The following LRRIQ1 variants were observed in gnomAD, a reference collection of about 807,000 sequenced individuals.
LRRIQ1 encodes the protein leucine rich repeats and IQ motif containing 1.
A neutral mutation model predicts 211.9 loss-of-function variants in LRRIQ1; 210 were observed. The observed-to-expected ratio is 0.99, with a 90% CI of 0.89 to 1.11. LRRIQ1 has a LOEUF of 1.11. LRRIQ1 is among the 50% of genes most tolerant of loss of function. LRRIQ1 has a pLI of 0.00. For missense variants in LRRIQ1, 2,136 were observed against 1,939.5 expected (o/e 1.10, Z -1.90); for synonymous variants, 699 against 650.1 (o/e 1.08, Z -1.14).
In LRRIQ1 at chr12:85,170,264, G is replaced by GTATATA. The variant is rs35828890; in HGVS notation, c.4822+9564_4822+9569dup. ...AAGTATGTATTTGTATGTGCATATT[G>GTATATA]TATATATATATATATATATGTACTT... is the stretch of plus-strand genomic sequence containing the variant. On this transcript the variant is annotated intron_variant, in intron 24 of 26. Transcript: ENST00000393217. Among the ~76,000 whole-genome samples, 964 of 147,850 alleles carry GTATATA rather than the reference G, an allele frequency of 6.5e-3. 6 individuals are homozygous for GTATATA. The highest frequency in any genetic ancestry group is 0.023 in the African/African-American group (936 of 40,786).
At chr12:85,208,865 A>G (rs2137056800) in intron 24 of LRRIQ1, among the ~76,000 whole-genome samples, 1 of 152,258 alleles carries the variant, frequency 6.6e-6, no homozygotes, top group Middle Eastern at 3.4e-3. Context: ...GACTCACATG[A>G]CCTAAAATAC....
intron 26 of LRRIQ1, 153 bp downstream of exon 26, chr12:85,232,909 A>G (rs1895013762): frequency 1.8e-6 from 1 of 563,368 alleles, no homozygotes; most frequent in Non-Finnish European, 3.1e-6. Context: ...AAATAATAAC[A>G]TGTTTTCTTG....
intron 6 of LRRIQ1, among the ~76,000 whole-genome samples, chr12:85,049,103 C>T (rs1016078559): frequency 6.6e-6 from 1 of 152,138 alleles, no homozygotes; most frequent in East Asian, 1.9e-4. Context: ...ATATGTCCTT[C>T]ATTATGCCTT....
chr12:85,208,226 G>A (rs563236279), intron 24 of LRRIQ1, among the ~76,000 whole-genome samples: 91 of 151,938 alleles, frequency 6.0e-4, no homozygotes, highest in African/African-American at 2.0e-3. Context: ...AATGAAAGTT[G>A]ATAAGGAGTT....
chr12:85,117,431 A>G (rs556251513), intron 15 of LRRIQ1, among the ~76,000 whole-genome samples: 3 of 152,366 alleles, frequency 2.0e-5, no homozygotes, highest in Admixed American at 6.5e-5. Flanking sequence ...AATCTGCTTC[A>G]TATAACTCCA....
chr12:85,082,399 G>A (rs1039265416), intron 11 of LRRIQ1, among the ~76,000 whole-genome samples: 1 of 152,072 alleles, frequency 6.6e-6, no homozygotes, highest in African/African-American at 2.4e-5. Context: ...GATTCATCCT[G>A]TCGGGGCTTA....
intron 24 of LRRIQ1, among the ~76,000 whole-genome samples, chr12:85,223,420 A>G (rs1161169528): frequency 6.6e-6 from 1 of 152,228 alleles, no homozygotes; most frequent in African/African-American, 2.4e-5. Context: ...TCTGGAATCC[A>G]GCAGTGAGGT....
intron 24 of LRRIQ1, among the ~76,000 whole-genome samples, chr12:85,163,528 T>C (rs1231477662): frequency 6.6e-6 from 1 of 152,160 alleles, no homozygotes; most frequent in Admixed American, 6.5e-5. Context: ...AAATCCACAT[T>C]TATTTTAGTA....
rs922594448 is a variant in LRRIQ1 at position 85,056,816 on chromosome 12, G to A, written c.2023G>A (p.Asp675Asn). ...TATAGAAGGCAAAAGAAATGACCAA[G>A]ATTATGTGTTAGGTAGACATGCTCC... is the stretch of plus-strand genomic sequence containing the variant. The part of the protein sequence containing the change: ...INIEGKRNDQ[D>N]YVLGRHAPCE... The change falls in exon 8 of 27, where the codon GAT becomes AAT. Residue 675 changes from aspartate to asparagine, a missense_variant. Transcript: ENST00000393217. 6 of 1,611,756 alleles carry A rather than the reference G, an allele frequency of 3.7e-6. No individual in the cohort carries two copies. Among genetic ancestry groups the A allele is most frequent in the Non-Finnish European group, 5.1e-6 (6 of 1,179,142 alleles).
intron 24 of LRRIQ1, among the ~76,000 whole-genome samples, chr12:85,202,076 A>C (rs1034866236): frequency 3.6e-4 from 55 of 152,046 alleles, no homozygotes; most frequent in Non-Finnish European, 5.9e-5. Flanking sequence ...GTTTCCATGT[A>C]ATTATGTAAT....
intron 24 of LRRIQ1, chr12:85,162,765 A>C (rs1303709064): frequency 1.3e-5 from 6 of 455,880 alleles, no homozygotes; most frequent in Non-Finnish European, 2.6e-5. Flanking sequence ...CCCCCAAGTG[A>C]ATTTTGTTTC....
chr12:85,249,463 T>C (rs916687688), downstream of LRRIQ1, among the ~76,000 whole-genome samples: 6 of 151,796 alleles, frequency 4.0e-5, no homozygotes, highest in Non-Finnish European at 8.8e-5. Context: ...TGCATTATAA[T>C]TCCACACTGT....
chr12:85,206,522 A>T (rs1477386566), intron 24 of LRRIQ1, among the ~76,000 whole-genome samples: 1 of 152,162 alleles, frequency 6.6e-6, no homozygotes, highest in Non-Finnish European at 1.5e-5. Context: ...ACACACCCAC[A>T]TGCAGGAAGT....
At chr12:85,228,181 T>C (rs1894761973) in intron 24 of LRRIQ1, among the ~76,000 whole-genome samples, 1 of 152,178 alleles carries the variant, frequency 6.6e-6, no homozygotes, top group African/African-American at 2.4e-5. Context: ...TGGGATCTAA[T>C]TAAACTAAAC....
intron 15 of LRRIQ1, among the ~76,000 whole-genome samples, chr12:85,116,969 G>A (rs190021381): frequency 8.6e-4 from 130 of 151,860 alleles, no homozygotes; most frequent in Middle Eastern, 3.4e-3. Flanking sequence ...TAGTCATTTA[G>A]GTTGATTCCA....
At chr12:85,259,845 G>T (rs1009249871) in intron 1 of LRRIQ1, among the ~76,000 whole-genome samples, 2 of 151,908 alleles carry the variant, frequency 1.3e-5, no homozygotes, top group Admixed American at 6.6e-5. Context: ...TTTACGTTGT[G>T]AGTAAGTACA....
downstream of LRRIQ1, among the ~76,000 whole-genome samples, chr12:85,265,445 G>A (rs939437221): frequency 1.3e-5 from 2 of 151,936 alleles, no homozygotes; most frequent in Admixed American, 6.6e-5. Context: ...ACTAATATGA[G>A]ATGTAATTCT....
intron 24 of LRRIQ1, among the ~76,000 whole-genome samples, chr12:85,217,918 C>G (rs554777815): frequency 2.0e-4 from 30 of 151,346 alleles, no homozygotes; most frequent in African/African-American, 7.0e-4. Context: ...TGAGCGGGCC[C>G]TAGTTTGGAT....
intron 23 of LRRIQ1, among the ~76,000 whole-genome samples, chr12:85,155,413 A>T (rs1890489639): frequency 6.6e-6 from 1 of 151,572 alleles, no homozygotes; most frequent in African/African-American, 2.4e-5. Flanking sequence ...CCAGACTCTT[A>T]ACGATAGTGA....
Sources: allele counts gnomAD v4.1 joint callset (sites outside exome capture counted in the v4.1 genomes callset), GRCh38; gene constraint gnomAD v4.1.1; transcripts MANE v1.5; gene names NCBI Gene and HGNC (gene_info 2026-07-23, HGNC 2026-07-21).